Variants in SCFD2 observed in about 807,000 individuals in gnomAD.
SCFD2 encodes sec1 family domain-containing protein 2.
Under a neutral mutation model 58.9 loss-of-function variants are expected in SCFD2, and 54 were observed. The observed-to-expected ratio is 0.92, with a 90% confidence interval of 0.74 to 1.15. SCFD2 has a LOEUF of 1.15. Among genes scored for constraint, SCFD2 ranks in the 50% most tolerant of loss-of-function variants. The pLI, the probability that SCFD2 is intolerant of heterozygous loss-of-function variation, is 0.00. For missense variants in SCFD2, 805 were observed against 836.6 expected (o/e 0.96, Z 0.47); for synonymous variants, 321 against 335.9 (o/e 0.96, Z 0.49).
intron 5 of SCFD2, among the ~76,000 whole-genome samples, chr4:53,108,253 G>A (rs1466934311): frequency 6.6e-6 from 1 of 152,168 alleles, no homozygotes; most frequent in Non-Finnish European, 1.5e-5. Context: ...AGCACTATAT[G>A]CCCACAGGAG....
At chr4:53,092,523 C>G (rs549237268) in intron 5 of SCFD2, among the ~76,000 whole-genome samples, 1 of 146,076 alleles carries the variant, frequency 6.8e-6, no homozygotes. Flanking sequence ...TTTTAAAGCC[C>G]CCAAATTGGA....
chr4:53,142,742 T>C (rs1431827107), intron 5 of SCFD2, among the ~76,000 whole-genome samples: 1 of 152,238 alleles, frequency 6.6e-6, no homozygotes, highest in Non-Finnish European at 1.5e-5. Context: ...TTCTTTTCAG[T>C]ACATTTTTGA....
chr4:53,306,588 AATCC>A (rs2149104902), intron 3 of SCFD2, among the ~76,000 whole-genome samples: 1 of 152,330 alleles, frequency 6.6e-6, no homozygotes, highest in East Asian at 1.9e-4. Context: ...CTCATCAGGC[AATCC>A]ATTCATTCAA....
rs528817824 is a variant in SCFD2, at chr4:53,364,462, T to G, written c.838+642A>C. On this transcript the variant is annotated intron_variant, in intron 1 of 8. Coordinates refer to ENST00000401642, the MANE Select transcript of SCFD2 (RefSeq NM_152540.4). ...TCTTTTCTTCATCTGCTTTAAGGATTACATTTGTTTCTTTTGTGTAAATAA... is the reference window on the plus strand; with the variant it reads ...TCTTTTCTTCATCTGCTTTAAGGATGACATTTGTTTCTTTTGTGTAAATAA... Among the ~76,000 whole-genome samples, 18 of 152,362 alleles carry G rather than the reference T, an allele frequency of 1.2e-4. No homozygotes were observed. The East Asian group carries it at 2.9e-3, about 24-fold the overall frequency.
chr4:52,900,809 G>A (rs1054282509), intron 7 of SCFD2, among the ~76,000 whole-genome samples: 9 of 152,192 alleles, frequency 5.9e-5, no homozygotes, highest in South Asian at 2.1e-4. Flanking sequence ...CTTCCCTGTC[G>A]CTTTGTTTAC....
intron 4 of SCFD2, among the ~76,000 whole-genome samples, chr4:53,162,201 A>G (rs1046197589): frequency 6.6e-6 from 1 of 151,846 alleles, no homozygotes; most frequent in Non-Finnish European, 1.5e-5. Flanking sequence ...CAATTTTGCA[A>G]CTCTGATCAG....
chr4:53,178,853 C>G (rs1727438537), intron 4 of SCFD2, among the ~76,000 whole-genome samples: 1 of 152,118 alleles, frequency 6.6e-6, no homozygotes, highest in Non-Finnish European at 1.5e-5. Context: ...GTGATGAACG[C>G]AGAAAGCCTC....
At chr4:52,913,133 G>T (rs1442400389) in intron 6 of SCFD2, among the ~76,000 whole-genome samples, 5 of 152,006 alleles carry the variant, frequency 3.3e-5, no homozygotes, top group Non-Finnish European at 7.4e-5. Flanking sequence ...ATCCAATGTG[G>T]GCTGGCAATA....
At chr4:52,959,971 T>A (rs1249889791) in intron 5 of SCFD2, among the ~76,000 whole-genome samples, 5 of 149,722 alleles carry the variant, frequency 3.3e-5, no homozygotes, top group African/African-American at 1.2e-4. Flanking sequence ...AGGCTGTAAG[T>A]GAACAATGTG....
intron 2 of SCFD2, among the ~76,000 whole-genome samples, chr4:53,339,761 C>T (rs1733805037): frequency 6.6e-6 from 1 of 151,390 alleles, no homozygotes; most frequent in Non-Finnish European, 1.5e-5. Flanking sequence ...CAGAGTGAGA[C>T]TCTGTCTCAA....
At chr4:53,085,197 C>A (rs1724269474) in intron 5 of SCFD2, among the ~76,000 whole-genome samples, 1 of 152,046 alleles carries the variant, frequency 6.6e-6, no homozygotes, top group African/African-American at 2.4e-5. Context: ...TTTCAGGATA[C>A]AAAACCAATA....
At chr4:53,342,913 G>T (rs376664317) in intron 2 of SCFD2, among the ~76,000 whole-genome samples, 1 of 152,186 alleles carries the variant, frequency 6.6e-6, no homozygotes, top group Non-Finnish European at 1.5e-5. Context: ...AAACCAATGA[G>T]AACAGAGACA....
intron 4 of SCFD2, among the ~76,000 whole-genome samples, chr4:53,247,783 C>T (rs1318617075): frequency 2.1e-5 from 3 of 141,096 alleles, no homozygotes; most frequent in Non-Finnish European, 4.6e-5. Context: ...ATGGCGTGAA[C>T]CCGGGAAGCG....
intron 5 of SCFD2, among the ~76,000 whole-genome samples, chr4:53,106,970 C>G (rs1408739233): frequency 6.6e-6 from 1 of 152,068 alleles, no homozygotes; most frequent in Non-Finnish European, 1.5e-5. Flanking sequence ...TATGGGCAGC[C>G]AGAGAGAAAG....
intron 4 of SCFD2, among the ~76,000 whole-genome samples, chr4:53,270,123 G>A (rs1731115160): frequency 6.6e-6 from 1 of 152,176 alleles, no homozygotes; most frequent in African/African-American, 2.4e-5. Context: ...GTATGTGTGT[G>A]TGTGCATATG....
At chr4:53,350,165 C>G (rs1193859407) in intron 2 of SCFD2, among the ~76,000 whole-genome samples, 1 of 152,152 alleles carries the variant, frequency 6.6e-6, no homozygotes, top group East Asian at 1.9e-4. Flanking sequence ...CATCTGTTCC[C>G]CCATCTTCTG....
chr4:53,269,436 A>G (rs1188906214), intron 4 of SCFD2, among the ~76,000 whole-genome samples: 3 of 152,108 alleles, frequency 2.0e-5, no homozygotes, highest in Non-Finnish European at 4.4e-5. Flanking sequence ...TATAATTGGT[A>G]AATTCACAAT....
chr4:53,252,011 C>A (rs1245394919), intron 4 of SCFD2, among the ~76,000 whole-genome samples: 25 of 152,272 alleles, frequency 1.6e-4, no homozygotes, highest in Middle Eastern at 3.4e-3. Context: ...AAATCTCCTT[C>A]AGCTGATAGG....
At chr4:52,993,425 G>GT (rs1560504409) in intron 5 of SCFD2, among the ~76,000 whole-genome samples, 1 of 152,038 alleles carries the variant, frequency 6.6e-6, no homozygotes, top group African/African-American at 2.4e-5. Context: ...AAAAAAGTAT[G>GT]TTTTTTAATT....
Sources: gnomAD v4.1 joint callset for allele counts (sites outside exome capture counted in the v4.1 genomes callset) on GRCh38, gnomAD v4.1.1 for gene constraint, MANE v1.5 for transcripts, NCBI Gene and HGNC (gene_info 2026-07-23, HGNC 2026-07-21) for gene names.